RASGRF1: variants seen among roughly 807,000 people sequenced by gnomAD.
RASGRF1 encodes the protein Ras protein specific guanine nucleotide releasing factor 1, also known as ras-specific guanine nucleotide-releasing factor 1.
In RASGRF1, 40 loss-of-function variants were observed where a neutral mutation model predicts 138.7. The observed-to-expected ratio is 0.29, with a 90% CI of 0.22 to 0.38. The LOEUF is 0.38. RASGRF1 is among the 10% of genes least tolerant of loss of function. The probability of loss-of-function intolerance (pLI) is 1.00; values close to 1 mark genes in which losing one functional copy is unlikely to be tolerated. For missense variants in RASGRF1, 1,108 were observed against 1,650.4 expected (o/e 0.67, Z 5.69); for synonymous variants, 614 against 663.2 (o/e 0.93, Z 1.14).
chr15:78,983,827 A>G (rs2056088642), intron 23 of RASGRF1, among the ~76,000 whole-genome samples: 1 of 152,206 alleles, frequency 6.6e-6, no homozygotes, highest in Non-Finnish European at 1.5e-5. Flanking sequence ...CACAAACAAG[A>G]GTAGCATCTT....
chr15:79,080,722 T>C (rs2057903577), intron 1 of RASGRF1, among the ~76,000 whole-genome samples: 1 of 152,174 alleles, frequency 6.6e-6, no homozygotes, highest in South Asian at 2.1e-4. Context: ...AAAATAATTA[T>C]CTCATGTTTC....
intron 11 of RASGRF1, 30 bp downstream of exon 11, chr15:79,020,011 C>T: frequency 1.9e-6 from 3 of 1,612,176 alleles, no homozygotes; most frequent in Non-Finnish European, 2.5e-6. Context: ...TGCAAGCACA[C>T]ACATGCGCAC....
At chr15:79,043,499 G>A (rs1396768866) in intron 5 of RASGRF1, among the ~76,000 whole-genome samples, 1 of 152,182 alleles carries the variant, frequency 6.6e-6, no homozygotes, top group East Asian at 1.9e-4. Flanking sequence ...CCTGTAAGAG[G>A]CAGGTACCAT....
chr15:79,069,689 A>C (rs74027017), intron 1 of RASGRF1, among the ~76,000 whole-genome samples: 31 of 152,292 alleles, frequency 2.0e-4, no homozygotes, highest in African/African-American at 7.2e-4. Context: ...TTCTTAAGTA[A>C]GGGAAGTCAA....
At chr15:78,998,450 C>T (rs4778772) in intron 18 of RASGRF1, among the ~76,000 whole-genome samples, 18,727 of 152,304 alleles carry the variant, frequency 0.12, 1,269 homozygotes, top group Admixed American at 0.15. Context: ...ACCCCTGGGC[C>T]AGGGAGGCAC....
intron 20 of RASGRF1, among the ~76,000 whole-genome samples, chr15:78,994,555 C>A (rs903443733): frequency 6.6e-6 from 1 of 152,176 alleles, no homozygotes; most frequent in African/African-American, 2.4e-5. Context: ...TCCCCAGCCG[C>A]TGTGATGCAG....
chr15:79,013,425 G>A (rs1191811963), intron 13 of RASGRF1, among the ~76,000 whole-genome samples: 2 of 152,270 alleles, frequency 1.3e-5, no homozygotes, highest in East Asian at 3.8e-4. Context: ...GCACACAGTA[G>A]GTTCATAAAG....
chr15:79,030,273 C>T (rs960954247), intron 8 of RASGRF1, among the ~76,000 whole-genome samples: 3 of 152,122 alleles, frequency 2.0e-5, no homozygotes, highest in African/African-American at 4.8e-5. Context: ...TGGGTAGGGC[C>T]GGGGCTGGAT....
intron 3 of RASGRF1, among the ~76,000 whole-genome samples, chr15:79,053,035 G>C (rs1015979536): frequency 6.6e-6 from 1 of 152,200 alleles, no homozygotes; most frequent in Non-Finnish European, 1.5e-5. Flanking sequence ...GGGAGGCTGA[G>C]GCAGGTGATC....
chr15:79,001,264 A>T (rs1264427487), intron 16 of RASGRF1, among the ~76,000 whole-genome samples: 1 of 150,308 alleles, frequency 6.7e-6, no homozygotes, highest in Non-Finnish European at 1.5e-5. Flanking sequence ...TCTTCCATGA[A>T]TGAGCCCTAG....
At chr15:79,053,824 T>A (rs1435815214) in intron 3 of RASGRF1, among the ~76,000 whole-genome samples, 2 of 152,200 alleles carry the variant, frequency 1.3e-5, no homozygotes, top group Non-Finnish European at 2.9e-5. Context: ...GCCCAATGGT[T>A]GGTTTAAGCT....
At chr15:78,987,061 G>A (rs1259874811) in intron 22 of RASGRF1, among the ~76,000 whole-genome samples, 1 of 152,200 alleles carries the variant, frequency 6.6e-6, no homozygotes, top group Non-Finnish European at 1.5e-5. Context: ...TATGAAGCCA[G>A]TATTACCTTG....
intron 23 of RASGRF1, among the ~76,000 whole-genome samples, chr15:78,982,773 C>A (rs762704554): frequency 9.9e-5 from 15 of 152,164 alleles, no homozygotes; most frequent in Middle Eastern, 3.4e-3. Context: ...TTAGCCAAGG[C>A]GAGGCTTTTG....
At chr15:78,990,582 ATGG>A (rs1323509920) in intron 21 of RASGRF1, among the ~76,000 whole-genome samples, 4 of 146,820 alleles carry the variant, frequency 2.7e-5, no homozygotes, top group African/African-American at 1.0e-4. Flanking sequence ...GAAGGCACAC[ATGG>A]TGGAAATAAT....
intron 1 of RASGRF1, among the ~76,000 whole-genome samples, chr15:79,081,498 C>G (rs915177450): frequency 3.3e-5 from 5 of 152,234 alleles, no homozygotes; most frequent in African/African-American, 1.2e-4. Context: ...TGGCTCTGCA[C>G]TGGGCCTGGG....
At chr15:79,028,551 G>A (rs1595917677) in intron 8 of RASGRF1, among the ~76,000 whole-genome samples, 2 of 152,046 alleles carry the variant, frequency 1.3e-5, no homozygotes, top group South Asian at 4.2e-4. Context: ...AAGAGATGGC[G>A]CCATCCAATA....
At chr15:78,988,220 G>T (rs150319017) in intron 22 of RASGRF1, among the ~76,000 whole-genome samples, 1 of 152,326 alleles carries the variant, frequency 6.6e-6, no homozygotes, top group East Asian at 1.9e-4. Flanking sequence ...GGCATGGCAG[G>T]ATTAAATGAG....
chr15:79,059,872 G>A (rs955728270), intron 2 of RASGRF1, among the ~76,000 whole-genome samples: 2 of 151,734 alleles, frequency 1.3e-5, no homozygotes, highest in African/African-American at 2.4e-5. Context: ...TATCTATTAT[G>A]TATATGTAAA....
intron 19 of RASGRF1, among the ~76,000 whole-genome samples, chr15:78,996,642 C>G (rs1266539562): frequency 6.6e-6 from 1 of 152,208 alleles, no homozygotes; most frequent in East Asian, 1.9e-4. Flanking sequence ...AGGCTCCCCT[C>G]CGAGGGTGGC....
Sources: allele counts gnomAD v4.1 joint callset (sites outside exome capture counted in the v4.1 genomes callset), GRCh38; gene constraint gnomAD v4.1.1; transcripts MANE v1.5; gene names NCBI Gene and HGNC (gene_info 2026-07-23, HGNC 2026-07-21).